The following GIGYF2 variants were observed in gnomAD, a reference collection of about 807,000 sequenced individuals.
GIGYF2 encodes the protein GRB10-interacting GYF protein 2.
Under a neutral mutation model 208.1 loss-of-function variants are expected in GIGYF2, and 25 were observed. The observed-to-expected ratio is 0.12, with a 90% CI of 0.09 to 0.17. The LOEUF (loss-of-function observed/expected upper bound fraction) is 0.17, where lower values mean the gene tolerates loss of function less well. GIGYF2 is among the 10% of genes least tolerant of loss of function. The pLI, the probability that GIGYF2 is intolerant of heterozygous loss-of-function variation, is 1.00. For missense variants in GIGYF2, 1,302 were observed against 1,579.4 expected (o/e 0.82, Z 2.98); for synonymous variants, 534 against 543.8 (o/e 0.98, Z 0.25).
chr2:232,732,577 T>C (rs1697548860), intron 2 of GIGYF2, among the ~76,000 whole-genome samples: 1 of 152,154 alleles, frequency 6.6e-6, no homozygotes, highest in Admixed American at 6.5e-5. Flanking sequence ...TTAAGATGCA[T>C]TCTAATTTCA....
rs188046057 is a variant in GIGYF2 at position 232,710,202 on chromosome 2, G to A, written c.-44+6713G>A. On this transcript the variant is annotated intron_variant, in intron 2 of 28. Coordinates refer to ENST00000373563, the MANE Select transcript of GIGYF2 (RefSeq NM_001103146.3). ...TCTCGATCTCCTGACCTTGTGATCC[G>A]TCTGTCTCGGCCTCCCAAAGTGCTG... Among the ~76,000 whole-genome samples, 18 of 151,878 alleles carry A rather than the reference G, an allele frequency of 1.2e-4. No individual in the cohort carries two copies. In the East Asian group the frequency reaches 3.1e-3, roughly 26 times the overall value.
intron 2 of GIGYF2, among the ~76,000 whole-genome samples, chr2:232,716,374 G>GTTTTTTTTTTT (rs397988241): frequency 4.0e-5 from 4 of 100,290 alleles, no homozygotes; most frequent in Admixed American, 2.3e-4. Context: ...GGTGTTATTT[G>GTTTTTTTTTTT]TTTTTTTTTT....
intron 8 of GIGYF2, chr2:232,761,639 A>T: frequency 2.3e-6 from 1 of 427,372 alleles, no homozygotes; most frequent in Non-Finnish European, 4.3e-6. Flanking sequence ...TGCAAGGCAT[A>T]TATTCTTTAT....
chr2:232,763,822 CTCTG>C (rs1163119181), intron 8 of GIGYF2, among the ~76,000 whole-genome samples: 2 of 148,540 alleles, frequency 1.3e-5, no homozygotes, highest in African/African-American at 4.9e-5. Flanking sequence ...CAGAGCAAGA[CTCTG>C]TCTGCAAAAA....
At chr2:232,791,587 CCAGT>C (rs1316790726) in intron 12 of GIGYF2, 141 bp downstream of exon 12, 12 of 773,358 alleles carry the variant, frequency 1.6e-5, no homozygotes, top group Non-Finnish European at 2.7e-5. Context: ...ACCAGTAAAC[CCAGT>C]CAAACAGTGC....
rs140444239 is a variant in GIGYF2, at chr2:232,774,842, A to G, written c.533-12308A>G. On this transcript the variant is annotated intron_variant, in intron 8 of 28. Coordinates refer to ENST00000373563, the MANE Select transcript of GIGYF2 (RefSeq NM_001103146.3). The stretch of plus-strand genomic sequence containing the variant: ...TTTCAACCTATTTTATGAAAGTTCT[A>G]AAATTCCTTACTTAGAGCCTTTCTG... Among the ~76,000 whole-genome samples, 908 of 152,334 alleles carry G rather than the reference A, an allele frequency of 6.0e-3. 15 individuals are homozygous for G. Among genetic ancestry groups the G allele is most frequent in the African/African-American group, 0.021 (853 of 41,572 alleles).
At chr2:232,719,928 G>A (rs1392961936) in intron 2 of GIGYF2, among the ~76,000 whole-genome samples, 4 of 151,834 alleles carry the variant, frequency 2.6e-5, no homozygotes, top group African/African-American at 9.7e-5. Flanking sequence ...TTTTGTTATA[G>A]ATTAAGTTCT....
chr2:232,838,854 C>T (rs1701729383), intron 22 of GIGYF2, among the ~76,000 whole-genome samples: 1 of 151,752 alleles, frequency 6.6e-6, no homozygotes, highest in Admixed American at 6.6e-5. Flanking sequence ...AGAGAAATGC[C>T]CTATTGTCTG....
At chr2:232,830,348 G>A (rs1701392483) in intron 21 of GIGYF2, among the ~76,000 whole-genome samples, 2 of 152,020 alleles carry the variant, frequency 1.3e-5, no homozygotes, top group Admixed American at 6.6e-5. Context: ...ATAATTACAT[G>A]TGTGACAGTT....
chr2:232,712,803 T>C (rs1444652014), intron 2 of GIGYF2, among the ~76,000 whole-genome samples: 1 of 152,240 alleles, frequency 6.6e-6, no homozygotes, highest in Admixed American at 6.5e-5. Flanking sequence ...TATGTTACAT[T>C]GATTTTTTAA....
At chr2:232,809,005 C>T (rs1310902523) in intron 15 of GIGYF2, among the ~76,000 whole-genome samples, 5 of 152,040 alleles carry the variant, frequency 3.3e-5, no homozygotes, top group Non-Finnish European at 7.4e-5. Flanking sequence ...AGTGCAGTGG[C>T]GCAGTCTAGG....
At chr2:232,786,233 A>G (rs1699904163) in intron 8 of GIGYF2, among the ~76,000 whole-genome samples, 1 of 151,944 alleles carries the variant, frequency 6.6e-6, no homozygotes, top group South Asian at 2.1e-4. Context: ...ATGAGGTTAT[A>G]CTACTTTTCA....
intron 9 of GIGYF2, among the ~76,000 whole-genome samples, chr2:232,789,186 G>A (rs1239250256): frequency 6.6e-6 from 1 of 151,978 alleles, no homozygotes; most frequent in East Asian, 1.9e-4. Context: ...GTTTAGTTTC[G>A]TGAGTAAAAT....
intron 2 of GIGYF2, chr2:232,705,849 G>T (rs1040206431): frequency 2.6e-5 from 4 of 152,222 alleles, no homozygotes; most frequent in Non-Finnish European, 5.9e-5. Context: ...GATTGCAGGT[G>T]TGTGCTACCA....
intron 3 of GIGYF2, chr2:232,735,616 T>C (rs1235033688): frequency 1.6e-6 from 1 of 625,796 alleles, no homozygotes; most frequent in African/African-American, 2.0e-5. Flanking sequence ...CATAGATTGA[T>C]TTGAGAAATA....
At chr2:232,735,075 ACTCT>A (rs1329857820) in intron 2 of GIGYF2, 76 bp from the exon 3 acceptor site, 1 of 702,898 alleles carries the variant, frequency 1.4e-6, no homozygotes, top group South Asian at 1.7e-5. Context: ...TAAATAAAAC[ACTCT>A]CTAACTGTAC....
intron 28 of GIGYF2, among the ~76,000 whole-genome samples, chr2:232,853,053 T>A (rs555690268): frequency 6.6e-6 from 1 of 152,376 alleles, no homozygotes; most frequent in South Asian, 2.1e-4. Flanking sequence ...TGAAAATTAC[T>A]GCTCACCTAA....
At chr2:232,844,756 C>T (rs1011589032) in intron 25 of GIGYF2, among the ~76,000 whole-genome samples, 182 bp downstream of exon 25, 2 of 152,156 alleles carry the variant, frequency 1.3e-5, no homozygotes, top group Non-Finnish European at 2.9e-5. Context: ...GAAACACATT[C>T]GTATTATTTC....
chr2:232,833,638 T>C (rs895607217), intron 22 of GIGYF2, among the ~76,000 whole-genome samples: 1 of 152,252 alleles, frequency 6.6e-6, no homozygotes, highest in African/African-American at 2.4e-5. Flanking sequence ...AAATTTAATG[T>C]GGCTCAGTAA....
Sources: allele counts gnomAD v4.1 joint callset (sites outside exome capture counted in the v4.1 genomes callset), GRCh38; gene constraint gnomAD v4.1.1; transcripts MANE v1.5; gene names NCBI Gene and HGNC (gene_info 2026-07-23, HGNC 2026-07-21).